Variants in MAPK8IP3 observed in about 807,000 individuals in gnomAD.
The protein encoded by MAPK8IP3 is C-Jun-amino-terminal kinase-interacting protein 3.
Under a neutral mutation model 157.8 loss-of-function variants are expected in MAPK8IP3, and 49 were observed. The observed-to-expected ratio is 0.31, with a 90% CI of 0.25 to 0.39. The LOEUF (loss-of-function observed/expected upper bound fraction) is 0.39, where lower values mean the gene tolerates loss of function less well. MAPK8IP3 is among the 10% of genes least tolerant of loss of function. MAPK8IP3 has a pLI of 1.00. For synonymous variants in MAPK8IP3, 897 were observed against 777.7 expected, an observed-to-expected ratio of 1.15 and a Z score of -2.55; for missense variants, 1,478 against 1,889.4, an observed-to-expected ratio of 0.78 and a Z score of 4.04.
intron 13 of MAPK8IP3, among the ~76,000 whole-genome samples, chr16:1,761,742 C>G (rs2041963400): frequency 6.6e-6 from 1 of 152,026 alleles, no homozygotes; most frequent in Non-Finnish European, 1.5e-5. Context: ...CATTCACACG[C>G]CGGGTGACCA....
rs559645882 is a variant in MAPK8IP3 at position 1,737,661 on chromosome 16, C to T, written c.603-5671C>T. Among the ~76,000 whole-genome samples the T allele has an allele frequency of 6.8e-5, 5 of 73,850 alleles. No homozygotes were observed. The South Asian group carries it at 3.9e-3, about 57-fold the overall frequency. 48.4% of individuals were successfully genotyped at this position (73,850 alleles called of 152,430 possible). A position where few individuals can be genotyped will look rare whatever the true frequency, so the allele number is the denominator to read the frequency against. On this transcript the variant is annotated intron_variant, in intron 4 of 31. Coordinates refer to ENST00000610761, the MANE Select transcript of MAPK8IP3 (RefSeq NM_001318852.2). ...GCATCCGTGTGACTGTCCGTGTGAG[C>T]GTCCGTGTGAGCGTGTGACCGTCCG...
rs566016043 is a variant in MAPK8IP3 at position 1,722,057 on chromosome 16, A to G, written c.319-2500A>G. ...AGTGCTGGGATTACAGGCGTGAGCC[A>G]CCGCACCCAGACAACTTTTTGTTAA... On this transcript the variant is annotated intron_variant, in intron 1 of 31. Transcript: ENST00000610761. 7.2e-4 allele frequency among the ~76,000 whole-genome samples: 109 copies of G among 152,318 alleles called. 2 individuals are homozygous for G. The South Asian group carries it at 0.022, about 30-fold the overall frequency.
At chr16:1,764,586 G>A in intron 19 of MAPK8IP3, 127 bp downstream of exon 19, 1 of 1,289,364 alleles carries the variant, frequency 7.8e-7, no homozygotes. Flanking sequence ...CAGCGCAGGG[G>A]CTCCTAGACT....
At chr16:1,745,003 C>T in intron 5 of MAPK8IP3, 1 of 985,316 alleles carries the variant, frequency 1.0e-6, no homozygotes, top group African/African-American at 1.7e-5. Context: ...GTTGTGGCTA[C>T]TCATGGTGAG....
In MAPK8IP3 at chr16:1,761,351, C is replaced by G. The variant is rs754417720; in HGVS notation, c.1539+46C>G. 84 of 1,556,856 alleles carry G rather than the reference C, an allele frequency of 5.4e-5. No individual in the cohort carries two copies. The South Asian group carries it at 8.7e-4, about 16-fold the overall frequency. On this transcript the variant is annotated intron_variant, in intron 13 of 31. Transcript: ENST00000610761. ...TCACATGCGGGGCGTCCACCATTCA[C>G]TTTTCACAGGCGGGGCGGCCACCGT...
intron 6 of MAPK8IP3, among the ~76,000 whole-genome samples, chr16:1,748,020 G>C (rs1243404038): frequency 1.3e-5 from 2 of 152,216 alleles, no homozygotes; most frequent in Non-Finnish European, 2.9e-5. Context: ...CCCATGCAGA[G>C]AGGCTGCTGC....
intron 20 of MAPK8IP3, 142 bp from the exon 21 acceptor site, chr16:1,765,818 T>G: frequency 1.3e-6 from 1 of 751,926 alleles, no homozygotes; most frequent in Middle Eastern, 2.9e-4. Context: ...GGGTGGGCTG[T>G]GGGTGGAGCA....
In MAPK8IP3 at chr16:1,742,817, T is replaced by G. The variant is rs2040757392; in HGVS notation, c.603-515T>G. Among the ~76,000 whole-genome samples, 2 of 152,122 alleles carry G rather than the reference T, an allele frequency of 1.3e-5. No homozygotes were observed. The highest frequency in any genetic ancestry group is 2.4e-5 in the African/African-American group (1 of 41,424). The stretch of plus-strand genomic sequence containing the variant: ...TGGGGTGTCTAAAGCACACCCGGCT[T>G]GTGTCTGTTTAAAATTGAACTTAGG... On this transcript the variant is annotated intron_variant, in intron 4 of 31. Coordinates refer to ENST00000610761, the MANE Select transcript of MAPK8IP3 (RefSeq NM_001318852.2). This position sits in a 1 kb window ranked among gnomAD's most constrained non-coding sequence, Gnocchi z 5.0.
chr16:1,749,889 T>A (rs2041191868), intron 8 of MAPK8IP3, among the ~76,000 whole-genome samples: 1 of 152,198 alleles, frequency 6.6e-6, no homozygotes, highest in African/African-American at 2.4e-5. Context: ...TCATCCTGGC[T>A]TGAGTCAGAA....
At chr16:1,722,733 C>T (rs1022431687) in intron 1 of MAPK8IP3, among the ~76,000 whole-genome samples, 1 of 152,032 alleles carries the variant, frequency 6.6e-6, no homozygotes, top group Non-Finnish European at 1.5e-5. Context: ...GAGATGGAGT[C>T]TCGCTCTGTC....
chr16:1,744,873 GTTC>G, intron 5 of MAPK8IP3: 1 of 960,724 alleles, frequency 1.0e-6, no homozygotes, highest in Non-Finnish European at 1.2e-6. Context: ...TTACATTTAA[GTTC>G]TTTTTATTTT....
intron 8 of MAPK8IP3, 163 bp downstream of exon 8, chr16:1,748,883 A>T: frequency 1.3e-6 from 1 of 762,098 alleles, no homozygotes; most frequent in South Asian, 1.4e-5. Context: ...TTGTCCCTCC[A>T]TCTCCACAGG....
rs1254346450 is a variant in MAPK8IP3, at chr16:1,767,484, C to T, written c.3238-80C>T. ...GAGGTCTGAGGGGACTGCAGGTGGC[C>T]CTGGAGCTGTGGCAGGTTTGGGGCT... is the stretch of plus-strand genomic sequence containing the variant. On this transcript the variant is annotated intron_variant, in intron 26 of 31. Transcript: ENST00000610761. The T allele has an allele frequency of 1.2e-5, 18 of 1,547,740 alleles. No individual in the cohort carries two copies. In the Admixed American group the frequency reaches 2.9e-4, roughly 25 times the overall value.
chr16:1,765,166 T>G lies in MAPK8IP3; in HGVS notation c.2434T>G (p.Ser812Ala), dbSNP rs2042184101. 1.9e-6 allele frequency: 3 copies of G among 1,594,962 alleles called. No individual in the cohort carries two copies. The highest frequency in any genetic ancestry group is 2.6e-6 in the Non-Finnish European group (3 of 1,165,542). Reference protein sequence around the residue: ...TVCNAHVLCISSIPAASDSDY... With the variant: ...TVCNAHVLCIASIPAASDSDY... ...CTGCAACGCGCACGTGCTGTGCATCTCCAGCATCCCCGGTGAGCAGCTGGA... is the reference window on the plus strand; with the variant it reads ...CTGCAACGCGCACGTGCTGTGCATCGCCAGCATCCCCGGTGAGCAGCTGGA... Residue 812 changes from serine to alanine, a missense_variant, in exon 20 of 32, where the codon TCC becomes GCC. By Grantham distance (99) the Ser-to-Ala change is moderately conservative (BLOSUM62 1). Around this residue, in one of 11 missense-constraint regions of MAPK8IP3, gnomAD observed 669 missense variants for 759.8 expected, o/e 0.88. Transcript: ENST00000610761.
chr16:1,744,239 G>T, intron 5 of MAPK8IP3: 1 of 985,600 alleles, frequency 1.0e-6, no homozygotes, highest in Non-Finnish European at 1.2e-6. Flanking sequence ...GGGTCTGGTG[G>T]ATTTCCCACA....
In MAPK8IP3 at chr16:1,766,265, C is replaced by G. The variant is rs1596805923; in HGVS notation, c.2675C>G (p.Ser892Cys). 6.2e-7 allele frequency: 1 copy of G among 1,612,430 alleles called. No individual in the cohort carries two copies. The highest frequency in any genetic ancestry group is 8.5e-7 in the Non-Finnish European group (1 of 1,179,914). Residue 892 changes from serine to cysteine, a missense_variant, in exon 22 of 32, where the codon TCC becomes TGC. Transcript: ENST00000610761. ...AACGGGAAGGTCAACCCGTCCCAGT[C>G]CACAGAGGAGGCCACAGAGGCCACG... ...IANGKVNPSQ[S>C]TEEATEATEV...
chr16:1,765,948 C>T lies in MAPK8IP3; in HGVS notation c.2447-12C>T, dbSNP rs1231097165. On this transcript the variant is annotated splice_polypyrimidine_tract_variant and intron_variant, in intron 20 of 31. Transcript: ENST00000610761. ...TCCCCCGCACAGGCTGACGGGCCGTCCCTCTCCCCAGCGGCCAGCGACAGC... is the reference window on the plus strand; with the variant it reads ...TCCCCCGCACAGGCTGACGGGCCGTTCCTCTCCCCAGCGGCCAGCGACAGC... The T allele has an allele frequency of 1.1e-5, 17 of 1,605,394 alleles. No homozygotes were observed. Among genetic ancestry groups the T allele is most frequent in the Non-Finnish European group, 1.4e-5 (16 of 1,175,612 alleles).
Position 1,737,151 on chromosome 16 carries a change from ACCGT to A in MAPK8IP3, c.603-6176_603-6173del, listed in dbSNP as rs756639190. On this transcript the variant is annotated intron_variant, in intron 4 of 31. Coordinates refer to ENST00000610761, the MANE Select transcript of MAPK8IP3 (RefSeq NM_001318852.2). ...CCGTGTGAGCATGTGACCATCCGTG[ACCGT>A]CCGTGTGAGCATCCGTGTGAGCGTG... 8.2e-4 allele frequency among the ~76,000 whole-genome samples: 57 copies of A among 69,476 alleles called. 4 individuals are homozygous for A. Among genetic ancestry groups the A allele is most frequent in the Non-Finnish European group, 1.3e-3 (50 of 37,718 alleles). The allele number at this position is 69,476 out of a possible 152,430, so 45.6% of individuals were successfully genotyped here.
chr16:1,719,752 G>A lies in MAPK8IP3; in HGVS notation c.319-4805G>A, dbSNP rs566674410. Among the ~76,000 whole-genome samples the A allele has an allele frequency of 7.2e-5, 11 of 152,004 alleles. No individual in the cohort carries two copies. The South Asian group carries it at 2.3e-3, about 32-fold the overall frequency. ...GCCCAGCTACTCAGGAGACTGAGAT[G>A]GGAGGATCGCTTGAGCCCGCGAGGT... On this transcript the variant is annotated intron_variant, in intron 1 of 31. Coordinates refer to ENST00000610761, the MANE Select transcript of MAPK8IP3 (RefSeq NM_001318852.2).
Sources: gnomAD v4.1 joint callset for allele counts (sites outside exome capture counted in the v4.1 genomes callset) on GRCh38, gnomAD v4.1.1 for gene constraint, gnomAD v4.1.1 regional missense constraint, Gnocchi (gnomAD v3.1) non-coding constraint, MANE v1.5 for transcripts, NCBI Gene and HGNC (gene_info 2026-07-23, HGNC 2026-07-21) for gene names.